The following IQSEC1 variants were observed in gnomAD, a reference collection of about 807,000 sequenced individuals.
The protein encoded by IQSEC1 is IQ motif and Sec7 domain ArfGEF 1.
IQSEC1 carries 31 observed loss-of-function variants against 91.0 expected under a neutral mutation model. The observed-to-expected ratio is 0.34, with a 90% CI of 0.26 to 0.46. IQSEC1 has a LOEUF of 0.46. IQSEC1 is among the 20% of genes least tolerant of loss of function. The pLI is 1.00. For synonymous variants in IQSEC1, 699 were observed against 662.6 expected (o/e 1.05, Z -0.84); for missense variants, 1,388 against 1,575.6 (o/e 0.88, Z 2.02).
At chr3:12,961,421 TTTC>T (rs1394848530) in intron 1 of IQSEC1, among the ~76,000 whole-genome samples, 1 of 152,240 alleles carries the variant, frequency 6.6e-6, no homozygotes. Flanking sequence ...GCAAAGCGAT[TTTC>T]TTAATACCCT....
chr3:13,017,488 C>A (rs1184702290), intron 1 of IQSEC1, among the ~76,000 whole-genome samples: 1 of 152,190 alleles, frequency 6.6e-6, no homozygotes, highest in Admixed American at 6.5e-5. Context: ...ACAAGTGCTG[C>A]CCTGTGGTGC....
chr3:12,937,250 C>T (rs753081257), intron 2 of IQSEC1, among the ~76,000 whole-genome samples: 1 of 152,196 alleles, frequency 6.6e-6, no homozygotes, highest in Non-Finnish European at 1.5e-5. Context: ...CTTTAAAAGG[C>T]AGTGAGATAC....
intron 1 of IQSEC1, among the ~76,000 whole-genome samples, chr3:13,275,521 G>A (rs79875432): frequency 0.032 from 4,800 of 152,160 alleles, 225 homozygotes; most frequent in African/African-American, 0.11. Context: ...CACACACCCC[G>A]GGCACAGACA....
intron 1 of IQSEC1, among the ~76,000 whole-genome samples, chr3:13,033,586 G>T (rs535178618): frequency 3.3e-5 from 5 of 151,986 alleles, no homozygotes; most frequent in Non-Finnish European, 5.9e-5. Context: ...AGACTGACAC[G>T]TCTCAAGATC....
At chr3:13,234,334 C>T (rs5029355) in intron 1 of IQSEC1, among the ~76,000 whole-genome samples, 49 of 132,806 alleles carry the variant, frequency 3.7e-4, no homozygotes, top group East Asian at 1.5e-3. Context: ...TGGGTGTGAG[C>T]CCTGTGTCTG....
chr3:13,135,899 C>G (rs573085610), intron 2 of IQSEC1, among the ~76,000 whole-genome samples: 2 of 152,318 alleles, frequency 1.3e-5, no homozygotes, highest in South Asian at 2.1e-4. Context: ...GCGCAGACCC[C>G]GTGCCTAGCA....
At chr3:13,132,373 C>A (rs1031090914) in intron 2 of IQSEC1, among the ~76,000 whole-genome samples, 1 of 152,214 alleles carries the variant, frequency 6.6e-6, no homozygotes, top group African/African-American at 2.4e-5. Context: ...TCTCTGATTT[C>A]TTTTGGATAG....
At chr3:13,165,830 G>C (rs1349437908) in intron 1 of IQSEC1, among the ~76,000 whole-genome samples, 1 of 152,112 alleles carries the variant, frequency 6.6e-6, no homozygotes, top group Non-Finnish European at 1.5e-5. Flanking sequence ...CTGCATTTCT[G>C]ACCTCAGAAA....
chr3:13,090,762 C>T (rs1576245312), intron 2 of IQSEC1, among the ~76,000 whole-genome samples: 2 of 152,310 alleles, frequency 1.3e-5, no homozygotes, highest in East Asian at 3.9e-4. Flanking sequence ...TGAGGAGGCA[C>T]ACTAAGGGGA....
chr3:13,199,025 A>G (rs1244813079), intron 1 of IQSEC1, among the ~76,000 whole-genome samples: 2 of 152,138 alleles, frequency 1.3e-5, no homozygotes, highest in African/African-American at 4.8e-5. Flanking sequence ...TGCTTCCATA[A>G]TGAAAACCCA....
intron 1 of IQSEC1, among the ~76,000 whole-genome samples, chr3:13,257,490 C>A (rs954939894): frequency 1.2e-4 from 19 of 152,278 alleles, no homozygotes; most frequent in African/African-American, 4.6e-4. Context: ...ACCAGACTAA[C>A]CCTGGCTGGT....
In IQSEC1 at chr3:13,006,202, C is replaced by T. The variant is rs73028761; in HGVS notation, c.24-64337G>A. 6.7e-3 allele frequency among the ~76,000 whole-genome samples: 1,013 copies of T among 152,320 alleles called. 5 individuals are homozygous for T. Among genetic ancestry groups the T allele is most frequent in the South Asian group, 0.025 (119 of 4,826 alleles). On this transcript the variant is annotated intron_variant, in intron 1 of 13. Transcript: ENST00000613206. ...CTCCCACCTGAGCTGGGGGCTACTT[C>T]CCCTCCCCTTGGGCATACGACTTTC...
intron 1 of IQSEC1, among the ~76,000 whole-genome samples, chr3:12,974,780 A>T (rs2686741): frequency 0.84 from 127,814 of 152,158 alleles, 53,820 homozygotes; most frequent in East Asian, 0.96. Context: ...TACTCATCCC[A>T]CCTTCCCTGG....
chr3:13,276,828 A>G (rs357151), intron 1 of IQSEC1, among the ~76,000 whole-genome samples: 93,317 of 151,998 alleles, frequency 0.61, 29,264 homozygotes, highest in East Asian at 0.94. Context: ...AGGCCTTGCT[A>G]CCTCAGAGCT....
At chr3:13,059,613 G>A (rs1229799865) in intron 1 of IQSEC1, among the ~76,000 whole-genome samples, 2 of 152,162 alleles carry the variant, frequency 1.3e-5, no homozygotes, top group Non-Finnish European at 2.9e-5. Context: ...ATTAGCCAGT[G>A]TGGTGGTGGG....
At chr3:12,962,635 G>A (rs1332087676) in intron 1 of IQSEC1, among the ~76,000 whole-genome samples, 1 of 152,216 alleles carries the variant, frequency 6.6e-6, no homozygotes, top group African/African-American at 2.4e-5. Context: ...ATGTTCGCAT[G>A]GGTCCCTCAG....
intron 1 of IQSEC1, among the ~76,000 whole-genome samples, chr3:13,246,032 G>A (rs1042413060): frequency 3.9e-5 from 6 of 152,224 alleles, no homozygotes; most frequent in Admixed American, 1.3e-4. Flanking sequence ...AAACGGTGAT[G>A]TGATGATTAC....
chr3:13,023,622 C>T (rs1703494870), intron 1 of IQSEC1, among the ~76,000 whole-genome samples: 2 of 152,184 alleles, frequency 1.3e-5, no homozygotes, highest in Admixed American at 1.3e-4. Context: ...TTGCTCTGTC[C>T]CCAGGCCCCA....
At chr3:13,180,648 A>C (rs886516014) in intron 1 of IQSEC1, among the ~76,000 whole-genome samples, 4 of 151,660 alleles carry the variant, frequency 2.6e-5, no homozygotes, top group African/African-American at 4.9e-5. Flanking sequence ...CTTTGGGTCC[A>C]CACTGCCTTT....
Sources: allele counts gnomAD v4.1 joint callset (sites outside exome capture counted in the v4.1 genomes callset), GRCh38; gene constraint gnomAD v4.1.1; transcripts MANE v1.5; gene names NCBI Gene and HGNC (gene_info 2026-07-23, HGNC 2026-07-21).